LYST: variants seen among roughly 807,000 people sequenced by gnomAD.
The protein encoded by LYST is lysosomal trafficking regulator, also known as lysosomal-trafficking regulator.
In LYST, 192 loss-of-function variants were observed where a neutral mutation model predicts 413.6. The observed-to-expected ratio is 0.46, with a 90% CI of 0.41 to 0.52. The LOEUF is 0.52. LYST is among the 20% of genes least tolerant of loss of function. The pLI, the probability that LYST is intolerant of heterozygous loss-of-function variation, is 0.00. For synonymous variants in LYST, 1,525 were observed against 1,567.3 expected, an observed-to-expected ratio of 0.97 and a Z score of 0.64; for missense variants, 3,815 against 4,499.9, an observed-to-expected ratio of 0.85 and a Z score of 4.35.
chr1:235,708,778 C>T (rs1269485781), intron 44 of LYST, among the ~76,000 whole-genome samples: 2 of 152,092 alleles, frequency 1.3e-5, no homozygotes, highest in African/African-American at 4.8e-5. Context: ...CCAGACTTTG[C>T]CCCATGCTGA....
chr1:235,788,601 T>G, intron 13 of LYST, 100 bp downstream of exon 13: 1 of 1,089,992 alleles, frequency 9.2e-7, no homozygotes, highest in Non-Finnish European at 1.4e-6. Context: ...CTTTTTGTTT[T>G]GCTATAATGA....
In LYST at chr1:235,686,100, C is replaced by A. The variant is rs772231809; in HGVS notation, c.10800+849G>T. ...AACAAAAACAGGCCGGGCGTGATGG[C>A]TCACACCTATAATCCCAGCACTTTG... On this transcript the variant is annotated intron_variant, in intron 48 of 52. Coordinates refer to ENST00000389793, the MANE Select transcript of LYST (RefSeq NM_000081.4). This position sits in a 1 kb window ranked among gnomAD's most constrained non-coding sequence, Gnocchi z 4.0. 8.5e-5 allele frequency among the ~76,000 whole-genome samples: 13 copies of A among 152,116 alleles called. No individual in the cohort carries two copies. Among genetic ancestry groups the A allele is most frequent in the Non-Finnish European group, 1.6e-4 (11 of 68,030 alleles).
intron 17 of LYST, among the ~76,000 whole-genome samples, chr1:235,776,830 G>A (rs1182907225): frequency 6.6e-6 from 1 of 151,382 alleles, no homozygotes; most frequent in East Asian, 1.9e-4. Flanking sequence ...ACATTTAATT[G>A]TACTAATTAC....
intron 17 of LYST, among the ~76,000 whole-genome samples, chr1:235,775,870 T>G (rs1266154826): frequency 6.6e-6 from 1 of 152,070 alleles, no homozygotes; most frequent in Non-Finnish European, 1.5e-5. Flanking sequence ...TGTAAGGATT[T>G]TAAGGACACT....
chr1:235,662,950 G>GGAGAACGTGAAGTT lies in LYST; in HGVS notation c.11395_11396insAACTTCACGTTCTC (p.Ala3799GlufsTer12). 6.4e-7 allele frequency: 1 copy of GGAGAACGTGAAGTT among 1,562,254 alleles called. No homozygotes were observed. The highest frequency in any genetic ancestry group is 8.8e-7 in the Non-Finnish European group (1 of 1,132,722). ...GAAGTTCATTCGCATTCACCCGGCT[G>GGAGAACGTGAAGTT]CATAGCTGCTAAGGAAGGAATAGAA... On this transcript the variant is annotated frameshift_variant, in exon 53 of 53. Coordinates refer to ENST00000389793, the MANE Select transcript of LYST (RefSeq NM_000081.4). LOFTEE classifies it high-confidence loss of function.
intron 2 of LYST, among the ~76,000 whole-genome samples, chr1:235,833,196 G>C (rs1457198673): frequency 6.6e-6 from 1 of 151,944 alleles, no homozygotes; most frequent in Non-Finnish European, 1.5e-5. Flanking sequence ...CAGAAATATT[G>C]AATTTAATTG....
At position 235,803,128 on chromosome 1, in the gene LYST, A is replaced by G. The variant is rs1271772304; in HGVS notation, c.3556-64T>C. 3.1e-6 allele frequency: 4 copies of G among 1,306,402 alleles called. No homozygotes were observed. In the East Asian group the frequency reaches 9.2e-5, roughly 30 times the overall value. The allele number at this position is 1,306,402 out of a possible 1,614,324, so 80.9% of individuals were successfully genotyped here. ...TGTTTTTAGTAATAGAATACTTATTACTCAAAAGTCATGTTAAGGACAGTT... is the reference window on the plus strand; with the variant it reads ...TGTTTTTAGTAATAGAATACTTATTGCTCAAAAGTCATGTTAAGGACAGTT... On this transcript the variant is annotated intron_variant, in intron 7 of 52. Coordinates refer to ENST00000389793, the MANE Select transcript of LYST (RefSeq NM_000081.4).
intron 3 of LYST, among the ~76,000 whole-genome samples, chr1:235,829,242 C>T (rs1019184873): frequency 6.6e-6 from 1 of 152,136 alleles, no homozygotes; most frequent in Non-Finnish European, 1.5e-5. Flanking sequence ...CTGAAAATTC[C>T]ATGACAAGTA....
At chr1:235,853,631 C>T (rs994734979) in intron 1 of LYST, among the ~76,000 whole-genome samples, 6 of 152,004 alleles carry the variant, frequency 3.9e-5, no homozygotes, top group Admixed American at 6.6e-5. Flanking sequence ...TTGCCTATTT[C>T]GCTACCCCTC....
chr1:235,806,636 C>A lies in LYST; in HGVS notation c.2500G>T (p.Ala834Ser). 1 of 1,614,020 alleles carries A rather than the reference C, an allele frequency of 6.2e-7. No homozygotes were observed. ...ATCCCATCAATATCTGGAACTGAGG[C>A]ATCTTTCTGTTGCTCCCCTAGGCTG... ...IISLGEQQKDASVPDIDGIDI... is the reference protein window; with the variant it reads ...IISLGEQQKDSSVPDIDGIDI... The change falls in exon 6 of 53, where the codon GCC (alanine) becomes TCC (serine). Residue 834 changes from alanine (A) to serine (S), a missense_variant. Ala to Ser is a moderately conservative substitution (Grantham distance 99). This residue lies in a region of LYST where 1,648 missense variants were observed against 1,810.3 expected (regional missense o/e 0.91). Transcript: ENST00000389793.
At chr1:235,749,582 C>T (rs1666273568) in intron 28 of LYST, among the ~76,000 whole-genome samples, 1 of 152,052 alleles carries the variant, frequency 6.6e-6, no homozygotes, top group African/African-American at 2.4e-5. Context: ...GGAAGCTGGA[C>T]TGGATGACTT....
At chr1:235,665,589 G>A (rs887129336) in intron 50 of LYST, among the ~76,000 whole-genome samples, 1 of 132,342 alleles carries the variant, frequency 7.6e-6, no homozygotes, top group African/African-American at 2.8e-5. Context: ...TCCAGCCTGG[G>A]CGACAGAGCA....
chr1:235,855,423 G>A (rs1475148918), intron 1 of LYST, among the ~76,000 whole-genome samples: 3 of 152,120 alleles, frequency 2.0e-5, no homozygotes, highest in Non-Finnish European at 1.5e-5. Flanking sequence ...AGGCACTACC[G>A]AAACACCTTA....
intron 16 of LYST, among the ~76,000 whole-genome samples, chr1:235,778,622 C>T (rs1451112641): frequency 4.0e-5 from 6 of 151,440 alleles, no homozygotes; most frequent in African/African-American, 1.2e-4. Flanking sequence ...CTTCTGACCT[C>T]GTGATCTGCC....
chr1:235,881,252 G>T (rs1681362400), intron 1 of LYST, among the ~76,000 whole-genome samples: 1 of 152,180 alleles, frequency 6.6e-6, no homozygotes, highest in East Asian at 1.9e-4. Context: ...GTTTCAACAG[G>T]TTTGCAAGTT....
intron 16 of LYST, among the ~76,000 whole-genome samples, chr1:235,777,856 A>G (rs2103459841): frequency 6.6e-6 from 1 of 152,242 alleles, no homozygotes; most frequent in Admixed American, 6.5e-5. Flanking sequence ...GATAGTTTCC[A>G]TCAGTGTGTG....
rs755137786 is a variant in LYST at position 235,800,395 on chromosome 1, T to TA, written c.3940-10dup. On this transcript the variant is annotated splice_polypyrimidine_tract_variant and intron_variant, in intron 9 of 52. Coordinates refer to ENST00000389793, the MANE Select transcript of LYST (RefSeq NM_000081.4). The stretch of plus-strand genomic sequence containing the variant: ...AGATTTTTCACAGTTCCCTGAAGAT[T>TA]AAAAAAAATACAAAATTAAATTACT... The TA allele has an allele frequency of 7.4e-5, 109 of 1,474,514 alleles. No individual in the cohort carries two copies. In the African/African-American group the frequency reaches 8.3e-4, roughly 11 times the overall value. 91.3% of individuals were successfully genotyped at this position (1,474,514 alleles called of 1,614,324 possible).
chr1:235,792,021 G>A lies in LYST; in HGVS notation c.4221C>T (p.Asn1407=), dbSNP rs750941523. ...FPLLHAPNLS[N]GVSSQKYPGI... is the part of the protein sequence containing the mutation. ...CAGGATACTTTTGTGATGAAACACC[G>A]TTGCTTAAATTTGGAGCGTGCAGTA... The change falls in exon 12 of 53, where the codon AAC becomes AAT. Residue 1407 remains asparagine, a synonymous_variant. Coordinates refer to ENST00000389793, the MANE Select transcript of LYST (RefSeq NM_000081.4). 1.0e-4 allele frequency: 166 copies of A among 1,613,918 alleles called. No individual in the cohort carries two copies. Among genetic ancestry groups the A allele is most frequent in the Middle Eastern group, 1.6e-4 (1 of 6,082 alleles).
chr1:235,791,872 T>C lies in LYST; in HGVS notation c.4370A>G (p.His1457Arg). 1 of 1,613,240 alleles carries C rather than the reference T, an allele frequency of 6.2e-7. No homozygotes were observed. The highest frequency in any genetic ancestry group is 8.5e-7 in the Non-Finnish European group (1 of 1,179,764). The change falls in exon 12 of 53, where the codon CAC becomes CGC. Residue 1457 changes from histidine to arginine, a missense_variant. Coordinates refer to ENST00000389793, the MANE Select transcript of LYST (RefSeq NM_000081.4). ...LLSSWHIAPV[H>R]LPLLGQNCWP... ...GCAGTTTTGCCCCAGCAACGGCAGGTGGACTGGGGCTATGTGCCAAGATGA... is the reference window on the plus strand; with the variant it reads ...GCAGTTTTGCCCCAGCAACGGCAGGCGGACTGGGGCTATGTGCCAAGATGA...
Sources: gnomAD v4.1 joint callset for allele counts (sites outside exome capture counted in the v4.1 genomes callset) on GRCh38, gnomAD v4.1.1 for gene constraint, gnomAD v4.1.1 regional missense constraint, Gnocchi (gnomAD v3.1) non-coding constraint, MANE v1.5 for transcripts, NCBI Gene and HGNC (gene_info 2026-07-23, HGNC 2026-07-21) for gene names.